The following AUTS2 variants were observed in gnomAD, a reference collection of about 807,000 sequenced individuals.
The protein encoded by AUTS2 is autism susceptibility gene 2 protein.
In AUTS2, 17 loss-of-function variants were observed where a neutral mutation model predicts 112.4. The ratio of observed to expected loss-of-function variants is 0.15; its 90% CI spans 0.10 to 0.23. The LOEUF (loss-of-function observed/expected upper bound fraction) is 0.23. Ranked by LOEUF, AUTS2 falls within the 10% of genes least tolerant of loss-of-function variation. AUTS2 has a pLI of 1.00. For missense variants in AUTS2, 1,510 were observed against 1,701.6 expected (o/e 0.89, Z 1.98); for synonymous variants, 751 against 702.7 (o/e 1.07, Z -1.09).
intron 5 of AUTS2, among the ~76,000 whole-genome samples, chr7:70,629,985 A>G (rs1368569385): frequency 6.6e-6 from 1 of 152,158 alleles, no homozygotes; most frequent in Non-Finnish European, 1.5e-5. Context: ...GTAATTACTG[A>G]AATGTAGGAA....
chr7:70,206,210 A>G (rs1003139932), intron 4 of AUTS2, among the ~76,000 whole-genome samples: 2 of 152,148 alleles, frequency 1.3e-5, no homozygotes, highest in African/African-American at 4.8e-5. Flanking sequence ...ACACTTTCTA[A>G]TAAGAGTTCC....
At chr7:70,523,093 T>C (rs1460021933) in intron 5 of AUTS2, among the ~76,000 whole-genome samples, 1 of 152,242 alleles carries the variant, frequency 6.6e-6, no homozygotes, top group East Asian at 1.9e-4. Flanking sequence ...TCCAACAACA[T>C]GTTCTCCTCA....
intron 5 of AUTS2, among the ~76,000 whole-genome samples, chr7:70,641,213 C>G (rs73179486): frequency 0.027 from 4,086 of 152,234 alleles, 69 homozygotes; most frequent in Non-Finnish European, 0.041. Flanking sequence ...GAAGAGTCAC[C>G]ATGAACCCTA....
chr7:70,492,789 GA>G (rs1413831742), intron 5 of AUTS2, among the ~76,000 whole-genome samples: 1 of 152,194 alleles, frequency 6.6e-6, no homozygotes, highest in Non-Finnish European at 1.5e-5. Context: ...GATGGATGGA[GA>G]ACACTCCGGG....
intron 17 of AUTS2, chr7:70,786,942 C>T: frequency 3.7e-6 from 2 of 541,692 alleles, no homozygotes; most frequent in Non-Finnish European, 6.6e-6. Context: ...TCTCAGTACC[C>T]ATTTGGTCCC....
At chr7:70,775,485 T>C in intron 13 of AUTS2, 99 bp downstream of exon 13, 2 of 974,448 alleles carry the variant, frequency 2.1e-6, no homozygotes. Flanking sequence ...ATAGAAATGT[T>C]GGAATAAGAC....
chr7:70,696,882 C>T (rs189363313), intron 5 of AUTS2, among the ~76,000 whole-genome samples: 7 of 152,078 alleles, frequency 4.6e-5, no homozygotes, highest in Admixed American at 4.6e-4. Context: ...TTTTTTTTCC[C>T]CTTCTATCAG....
chr7:69,660,119 A>G (rs2129142648), intron 1 of AUTS2, among the ~76,000 whole-genome samples: 1 of 152,346 alleles, frequency 6.6e-6, no homozygotes, highest in East Asian at 1.9e-4. Context: ...GCTGAGAAAC[A>G]GCATTCCAGG....
intron 1 of AUTS2, among the ~76,000 whole-genome samples, chr7:69,823,468 G>A (rs1791092374): frequency 1.3e-5 from 2 of 152,212 alleles, no homozygotes; most frequent in Admixed American, 1.3e-4. Context: ...ATGAAAAGAT[G>A]CCTAAACATG....
At chr7:69,938,837 G>A (rs1185021096) in intron 2 of AUTS2, among the ~76,000 whole-genome samples, 2 of 152,174 alleles carry the variant, frequency 1.3e-5, no homozygotes, top group African/African-American at 4.8e-5. Flanking sequence ...AAATGTGTGA[G>A]GTGATTGGAA....
intron 2 of AUTS2, among the ~76,000 whole-genome samples, chr7:69,992,191 A>G (rs1362776385): frequency 1.3e-5 from 2 of 152,348 alleles, no homozygotes; most frequent in East Asian, 3.9e-4. Context: ...TAGCCTAGGA[A>G]CCATATAACA....
intron 1 of AUTS2, among the ~76,000 whole-genome samples, chr7:69,729,931 A>G (rs1408415283): frequency 6.9e-6 from 1 of 144,076 alleles, no homozygotes; most frequent in Non-Finnish European, 1.5e-5. Context: ...TTTGTCTTTT[A>G]ATGGGTTATG....
At chr7:70,601,787 G>A (rs1803485499) in intron 5 of AUTS2, among the ~76,000 whole-genome samples, 1 of 152,134 alleles carries the variant, frequency 6.6e-6, no homozygotes, top group Non-Finnish European at 1.5e-5. Flanking sequence ...TTTCTTTCAA[G>A]ATCATGACCT....
chr7:70,577,917 G>A (rs193191657), intron 5 of AUTS2, among the ~76,000 whole-genome samples: 353 of 151,642 alleles, frequency 2.3e-3, no homozygotes, highest in Middle Eastern at 0.017. Flanking sequence ...TGCAAGCTCC[G>A]CCTCCCAGGT....
At chr7:70,349,058 C>T (rs908014346) in intron 4 of AUTS2, among the ~76,000 whole-genome samples, 1 of 152,144 alleles carries the variant, frequency 6.6e-6, no homozygotes, top group African/African-American at 2.4e-5. Context: ...TCTAATTGCT[C>T]CAAACCCCAT....
At chr7:69,912,908 G>A (rs1795422807) in intron 2 of AUTS2, among the ~76,000 whole-genome samples, 1 of 152,190 alleles carries the variant, frequency 6.6e-6, no homozygotes, top group Non-Finnish European at 1.5e-5. Flanking sequence ...GATTAGTGCA[G>A]CATTATTTAG....
chr7:69,754,443 G>C (rs966167336), intron 1 of AUTS2, among the ~76,000 whole-genome samples: 3 of 152,194 alleles, frequency 2.0e-5, no homozygotes, highest in African/African-American at 7.2e-5. Flanking sequence ...CTTTAACTCT[G>C]TTGGAATAGG....
intron 5 of AUTS2, among the ~76,000 whole-genome samples, chr7:70,649,864 G>A (rs1486100065): frequency 6.6e-6 from 1 of 152,152 alleles, no homozygotes; most frequent in African/African-American, 2.4e-5. Flanking sequence ...GATGATCTGT[G>A]TGCCACATTT....
intron 5 of AUTS2, among the ~76,000 whole-genome samples, chr7:70,643,493 C>T (rs891640021): frequency 3.3e-5 from 5 of 152,176 alleles, no homozygotes; most frequent in African/African-American, 1.2e-4. Context: ...ATCGCTTGAA[C>T]CTAGGAGGCT....
Sources: allele counts gnomAD v4.1 joint callset (sites outside exome capture counted in the v4.1 genomes callset), GRCh38; gene constraint gnomAD v4.1.1; transcripts MANE v1.5; gene names NCBI Gene and HGNC (gene_info 2026-07-23, HGNC 2026-07-21).